CNTNAP2: variants seen among roughly 807,000 people sequenced by gnomAD.
The protein encoded by CNTNAP2 is contactin-associated protein-like 2.
Under a neutral mutation model 155.2 loss-of-function variants are expected in CNTNAP2, and 98 were observed. The observed-to-expected ratio is 0.63, with a 90% CI of 0.54 to 0.75. The LOEUF (loss-of-function observed/expected upper bound fraction) is 0.75, where lower values mean the gene tolerates loss of function less well. CNTNAP2 is among the 30% of genes least tolerant of loss of function. The probability of loss-of-function intolerance (pLI) is 0.00; values close to 1 mark genes in which losing one functional copy is unlikely to be tolerated. For missense variants in CNTNAP2, 1,727 were observed against 1,688.1 expected (o/e 1.02, Z -0.40); for synonymous variants, 651 against 631.2 (o/e 1.03, Z -0.47).
At chr7:148,060,055 T>C (rs1195119364) in intron 15 of CNTNAP2, among the ~76,000 whole-genome samples, 2 of 152,138 alleles carry the variant, frequency 1.3e-5, no homozygotes, top group Non-Finnish European at 2.9e-5. Flanking sequence ...ACTTCTAAGC[T>C]GTACCACACA....
intron 11 of CNTNAP2, among the ~76,000 whole-genome samples, chr7:147,505,778 G>GCACTC (rs1798895877): frequency 6.6e-6 from 1 of 152,234 alleles, no homozygotes; most frequent in Non-Finnish European, 1.5e-5. Context: ...CATAAAACTG[G>GCACTC]CACTCGGTAA....
In CNTNAP2 at chr7:147,382,621, G is replaced by A. The variant is rs1429453109; in HGVS notation, c.1499-12988G>A. Among the ~76,000 whole-genome samples, 3 of 152,270 alleles carry A rather than the reference G, an allele frequency of 2.0e-5. No homozygotes were observed. The East Asian group carries it at 5.8e-4, about 29-fold the overall frequency. The stretch of plus-strand genomic sequence containing the variant: ...ATTAGTGTTGAGTTCAGAGGAGAGA[G>A]CTGAGACAGAGATATGATTAGAGAC... On this transcript the variant is annotated intron_variant, in intron 9 of 23. Transcript: ENST00000361727.
chr7:146,715,231 CTG>C (rs1801166472), intron 1 of CNTNAP2, among the ~76,000 whole-genome samples: 1 of 152,114 alleles, frequency 6.6e-6, no homozygotes, highest in Non-Finnish European at 1.5e-5. Context: ...ACTCAGGAGA[CTG>C]AGGCTGGAGT....
At position 147,835,218 on chromosome 7, in the gene CNTNAP2, A is replaced by G. The variant is rs542705050; in HGVS notation, c.2099-68347A>G. The stretch of plus-strand genomic sequence containing the variant: ...CCCACTGACTCAGAAAAGGATTAAA[A>G]TATTTTAAAGAAGGAGGACCAGAGG... On this transcript the variant is annotated intron_variant, in intron 13 of 23. Coordinates refer to ENST00000361727, the MANE Select transcript of CNTNAP2 (RefSeq NM_014141.6). Among the ~76,000 whole-genome samples the G allele has an allele frequency of 4.6e-5, 7 of 152,334 alleles. No individual in the cohort carries two copies. In the South Asian group the frequency reaches 1.5e-3, roughly 32 times the overall value.
At chr7:147,677,407 G>A (rs569752973) in intron 13 of CNTNAP2, among the ~76,000 whole-genome samples, 2 of 151,740 alleles carry the variant, frequency 1.3e-5, no homozygotes, top group African/African-American at 4.8e-5. Flanking sequence ...GTTTATTTTG[G>A]ATATAAACCC....
chr7:146,843,442 A>G (rs1192646053), intron 3 of CNTNAP2, among the ~76,000 whole-genome samples: 1 of 152,186 alleles, frequency 6.6e-6, no homozygotes, highest in Non-Finnish European at 1.5e-5. Flanking sequence ...GGGGATTACA[A>G]TTTGACATGA....
rs149790406 is a variant in CNTNAP2, at chr7:146,707,395, A to G, written c.98-66876A>G. 4.6e-3 allele frequency among the ~76,000 whole-genome samples: 697 copies of G among 152,306 alleles called. 7 individuals carry two copies. Among genetic ancestry groups the G allele is most frequent in the African/African-American group, 0.016 (659 of 41,566 alleles). On this transcript the variant is annotated intron_variant, in intron 1 of 23. Transcript: ENST00000361727. ...GTGCCTTACTGGAAGGAGGCCTTCA[A>G]TGACTACATGTTGAACACATTATTT...
chr7:146,770,425 T>A (rs931387928), intron 1 of CNTNAP2, among the ~76,000 whole-genome samples: 2 of 151,866 alleles, frequency 1.3e-5, no homozygotes, highest in Non-Finnish European at 2.9e-5. Context: ...TCGTGATTAA[T>A]GTCCTCCAGG....
chr7:146,303,043 T>A (rs928334093), intron 1 of CNTNAP2, among the ~76,000 whole-genome samples: 3 of 151,004 alleles, frequency 2.0e-5, no homozygotes, highest in African/African-American at 4.9e-5. Context: ...GATTCAGAGA[T>A]GGGAGAAACT....
chr7:147,516,518 G>A (rs851831), intron 11 of CNTNAP2, among the ~76,000 whole-genome samples: 97,215 of 151,972 alleles, frequency 0.64, 32,052 homozygotes, highest in South Asian at 0.77. Context: ...TTGGGATAAA[G>A]CAATACTGCT....
At chr7:147,454,825 A>G (rs922476657) in intron 10 of CNTNAP2, among the ~76,000 whole-genome samples, 1 of 152,080 alleles carries the variant, frequency 6.6e-6, no homozygotes, top group Non-Finnish European at 1.5e-5. Flanking sequence ...TAAAGCTGCC[A>G]GCACTGCAAC....
intron 13 of CNTNAP2, among the ~76,000 whole-genome samples, chr7:147,674,038 G>A (rs1795829323): frequency 6.6e-6 from 1 of 152,042 alleles, no homozygotes; most frequent in Admixed American, 6.6e-5. Context: ...TGGGAGAGGT[G>A]TAATAAACAA....
chr7:147,129,154 T>A (rs1208504314), intron 7 of CNTNAP2, among the ~76,000 whole-genome samples: 2 of 152,182 alleles, frequency 1.3e-5, no homozygotes, highest in Non-Finnish European at 2.9e-5. Context: ...GGCAGCATCG[T>A]GTTTTCAAAT....
chr7:147,903,492 G>A, intron 13 of CNTNAP2, 73 bp from the exon 14 acceptor site: 1 of 1,488,806 alleles, frequency 6.7e-7, no homozygotes, highest in Non-Finnish European at 9.4e-7. Context: ...TCCTGGGGAA[G>A]TGGGTGTAAG....
chr7:148,395,202 C>A (rs1799442383), intron 22 of CNTNAP2, among the ~76,000 whole-genome samples: 2 of 100,994 alleles, frequency 2.0e-5, no homozygotes, highest in South Asian at 6.8e-4. Context: ...TTTGTCAATT[C>A]TTTGTTTTCT....
intron 13 of CNTNAP2, among the ~76,000 whole-genome samples, chr7:147,812,682 G>T (rs1399404951): frequency 6.6e-6 from 1 of 152,066 alleles, no homozygotes; most frequent in Non-Finnish European, 1.5e-5. Context: ...TTTCAGAGAG[G>T]CGCTCCTCAG....
chr7:146,788,178 G>A (rs569471441), intron 2 of CNTNAP2, among the ~76,000 whole-genome samples: 88 of 152,280 alleles, frequency 5.8e-4, no homozygotes, highest in African/African-American at 2.0e-3. Flanking sequence ...CACCAAGCCG[G>A]CGCCCACCTG....
chr7:147,062,138 A>C (rs372259578), intron 4 of CNTNAP2, among the ~76,000 whole-genome samples: 529 of 56,750 alleles, frequency 9.3e-3, no homozygotes, highest in South Asian at 0.035. Flanking sequence ...AAAAAAAAAA[A>C]AAAAAAAAAA....
chr7:146,139,012 T>C (rs1797838402), intron 1 of CNTNAP2, among the ~76,000 whole-genome samples: 1 of 152,108 alleles, frequency 6.6e-6, no homozygotes. Flanking sequence ...CAGAACAGCA[T>C]AGCTAAGCCT....
Sources: allele counts gnomAD v4.1 joint callset (sites outside exome capture counted in the v4.1 genomes callset), GRCh38; gene constraint gnomAD v4.1.1; transcripts MANE v1.5; gene names NCBI Gene and HGNC (gene_info 2026-07-23, HGNC 2026-07-21).